The following MTF1 variants were observed in gnomAD, a reference collection of about 807,000 sequenced individuals.
MTF1 encodes the protein MRE-binding transcription factor.
A neutral mutation model predicts 70.4 loss-of-function variants in MTF1; 22 were observed. The ratio of observed to expected loss-of-function variants is 0.31; its 90% confidence interval spans 0.22 to 0.45. The LOEUF is 0.45. MTF1 is among the 20% of genes least tolerant of loss of function. MTF1 has a pLI of 1.00. For missense variants in MTF1, 649 were observed against 922.0 expected (o/e 0.70, Z 3.83); for synonymous variants, 333 against 352.8 (o/e 0.94, Z 0.63).
chr1:37,823,646 G>A (rs1640953128), intron 8 of MTF1, 64 bp downstream of exon 8: 1 of 1,216,652 alleles, frequency 8.2e-7, no homozygotes, highest in Non-Finnish European at 1.2e-6. Context: ...ATGATTCATT[G>A]TGCCTGTGAC....
In MTF1 at chr1:37,840,178, T is replaced by TC. The variant is rs747742576; in HGVS notation, c.409-21dup. 2 of 1,610,376 alleles carry TC rather than the reference T, an allele frequency of 1.2e-6. No homozygotes were observed. The highest frequency in any genetic ancestry group is 4.5e-5 in the East Asian group (2 of 44,822). On this transcript the variant is annotated intron_variant, in intron 2 of 10. Coordinates refer to ENST00000373036, the MANE Select transcript of MTF1 (RefSeq NM_005955.3). This position sits in a 1 kb window ranked among gnomAD's most constrained non-coding sequence, Gnocchi z 4.5. ...CTTTACCTGGCAGAGAAAAGATACC[T>TC]CATCAACAGGACAAAAATGCTGCCC... is the stretch of plus-strand genomic sequence containing the variant.
chr1:37,835,362 A>C, intron 5 of MTF1, 147 bp from the exon 6 acceptor site: 1 of 692,522 alleles, frequency 1.4e-6, no homozygotes, highest in South Asian at 1.8e-5. Context: ...CACATTAATC[A>C]TCTCAGTCCT....
At chr1:37,858,623 C>T (rs1048028008) in intron 1 of MTF1, 4 of 152,164 alleles carry the variant, frequency 2.6e-5, no homozygotes, top group Non-Finnish European at 4.4e-5. Context: ...GGTGGGCTCT[C>T]GTCCCTGAAT....
chr1:37,845,685 T>C (rs930670664), intron 2 of MTF1, among the ~76,000 whole-genome samples: 5 of 152,112 alleles, frequency 3.3e-5, no homozygotes, highest in African/African-American at 1.2e-4. Context: ...TTGTATTTTT[T>C]GTAGAGATGG....
intron 4 of MTF1, among the ~76,000 whole-genome samples, chr1:37,837,732 C>T (rs1641191578): frequency 6.6e-6 from 1 of 152,122 alleles, no homozygotes; most frequent in Admixed American, 6.5e-5. Context: ...TCTTAAACTC[C>T]TAACCTCACA....
intron 2 of MTF1, among the ~76,000 whole-genome samples, chr1:37,851,822 C>G (rs1641421899): frequency 6.6e-6 from 1 of 151,744 alleles, no homozygotes; most frequent in South Asian, 2.1e-4. Flanking sequence ...GCTACTACTG[C>G]CTCATCACTC....
At chr1:37,839,271 T>C (rs762926745) in intron 3 of MTF1, among the ~76,000 whole-genome samples, 5 of 152,158 alleles carry the variant, frequency 3.3e-5, no homozygotes, top group Non-Finnish European at 7.3e-5. Context: ...GGAGACAGAC[T>C]TCCTGGGATT....
intron 2 of MTF1, among the ~76,000 whole-genome samples, chr1:37,847,332 C>A (rs770646328): frequency 2.0e-5 from 3 of 152,174 alleles, no homozygotes; most frequent in Non-Finnish European, 4.4e-5. Context: ...CTACCAGTTG[C>A]TAGTTGTGTG....
chr1:37,820,767 T>A (rs1205890757), intron 9 of MTF1, among the ~76,000 whole-genome samples: 2 of 152,198 alleles, frequency 1.3e-5, no homozygotes, highest in Non-Finnish European at 2.9e-5. Flanking sequence ...AACTATGGAC[T>A]TTAGATAACA....
rs1018204556 is a variant in MTF1 at position 37,835,543 on chromosome 1, G to T, written c.853+128C>A. The T allele has an allele frequency of 6.9e-6, 5 of 729,128 alleles. No individual in the cohort carries two copies. The African/African-American group carries it at 7.1e-5, about 10-fold the overall frequency. The allele number at this position is 729,128 out of a possible 1,614,324, so 45.2% of individuals were successfully genotyped here. On this transcript the variant is annotated intron_variant, in intron 5 of 10. Transcript: ENST00000373036. ...AAGAAACCCAAACATTCTAGGTAAGGCTGAGCTAATTATGCTCACCTGAAT... is the reference window on the plus strand; with the variant it reads ...AAGAAACCCAAACATTCTAGGTAAGTCTGAGCTAATTATGCTCACCTGAAT...
intron 2 of MTF1, among the ~76,000 whole-genome samples, chr1:37,848,463 A>G (rs1641365522): frequency 6.6e-6 from 1 of 152,226 alleles, no homozygotes; most frequent in Admixed American, 6.5e-5. Flanking sequence ...AGAAACAAGT[A>G]AGCCTGATTT....
Position 37,815,182 on chromosome 1 carries a change from A to C in MTF1, c.2216T>G (p.Leu739Arg). Residue 739 changes from leucine to arginine, a missense_variant, in exon 11 of 11, where the codon CTG (leucine) becomes CGG (arginine). Transcript: ENST00000373036. The surrounding 1 kb of genome is among the most constrained non-coding windows in gnomAD (Gnocchi z 4.5). ...GAGGCCCATCTCCTCCTCCCCCTGC[A>C]GTAGTGCTTCAATGGGAATCAGATT... is the stretch of plus-strand genomic sequence containing the variant. Reference protein sequence around the residue: ...PSNLIPIEALLQGEEEMGLTS... With the variant: ...PSNLIPIEALRQGEEEMGLTS... 2 of 1,614,164 alleles carry C rather than the reference A, an allele frequency of 1.2e-6. No homozygotes were observed. Among genetic ancestry groups the C allele is most frequent in the Non-Finnish European group, 1.7e-6 (2 of 1,180,026 alleles).
chr1:37,838,938 G>A (rs1009841500), intron 3 of MTF1, among the ~76,000 whole-genome samples, 182 bp from the exon 4 acceptor site: 1 of 151,070 alleles, frequency 6.6e-6, no homozygotes. Context: ...CCAAGTAGAT[G>A]GGATTATGGG....
intron 8 of MTF1, 84 bp from the exon 9 acceptor site, chr1:37,822,800 AAC>A: frequency 1.1e-6 from 1 of 928,572 alleles, no homozygotes; most frequent in South Asian, 1.6e-5. Context: ...GGCTAAACAA[AAC>A]ACAGCTGAAG....
At chr1:37,818,849 C>T (rs1179140160) in intron 9 of MTF1, among the ~76,000 whole-genome samples, 17 of 151,560 alleles carry the variant, frequency 1.1e-4, no homozygotes, top group Admixed American at 6.6e-4. Flanking sequence ...AAAAATTAGA[C>T]GGGTGTGGTG....
At position 37,840,301 on chromosome 1, in the gene MTF1, C is replaced by A; in HGVS notation, c.409-143G>T. The stretch of plus-strand genomic sequence containing the variant: ...AAACACAGAAAACAGCCTCTAGCAG[C>A]AAAGTGGAAAAACCTTATTGTTGAT... On this transcript the variant is annotated intron_variant, in intron 2 of 10. Transcript: ENST00000373036. This position sits in a 1 kb window ranked among gnomAD's most constrained non-coding sequence, Gnocchi z 4.5. 1.4e-6 allele frequency: 1 copy of A among 691,910 alleles called. No individual in the cohort carries two copies. Among genetic ancestry groups the A allele is most frequent in the South Asian group, 1.8e-5 (1 of 55,442 alleles). The allele number at this position is 691,910 out of a possible 1,614,324, so 42.9% of individuals were successfully genotyped here. A position where few individuals can be genotyped will look rare whatever the true frequency, so the allele number is the denominator to read the frequency against.
chr1:37,822,796 A>T (rs116329927), intron 8 of MTF1, 80 bp from the exon 9 acceptor site: 71 of 983,796 alleles, frequency 7.2e-5, no homozygotes, highest in Middle Eastern at 2.7e-4. Context: ...TATGGGCTAA[A>T]CAAAACACAG....
chr1:37,852,989 C>G (rs564610988), intron 2 of MTF1, among the ~76,000 whole-genome samples: 95 of 152,338 alleles, frequency 6.2e-4, no homozygotes, highest in Middle Eastern at 3.4e-3. Flanking sequence ...TCCAATAACA[C>G]GTACGAAGTT....
At chr1:37,818,096 C>T (rs1220369688) in intron 9 of MTF1, among the ~76,000 whole-genome samples, 1 of 152,188 alleles carries the variant, frequency 6.6e-6, no homozygotes, top group Non-Finnish European at 1.5e-5. Context: ...CTTGTTTCCC[C>T]ACCTGTAAAA....
Sources: gnomAD v4.1 joint callset for allele counts (sites outside exome capture counted in the v4.1 genomes callset) on GRCh38, gnomAD v4.1.1 for gene constraint, Gnocchi (gnomAD v3.1) non-coding constraint, MANE v1.5 for transcripts, NCBI Gene and HGNC (gene_info 2026-07-23, HGNC 2026-07-21) for gene names.